The following BLTP3B variants were observed in gnomAD, a reference collection of about 807,000 sequenced individuals.
BLTP3B encodes UHRF1 (ICBP90) binding protein 1-like.
At chr12:100,064,097 A>C in the BLTP3B span, among the ~76,000 whole-genome samples, 3 of 152,202 alleles carry the variant, frequency 2.0e-5, no homozygotes, top group African/African-American at 7.2e-5. Context: ...AAACCAATCA[A>C]AACTTCAGGA....
At chr12:100,065,536 T>C in the BLTP3B span, among the ~76,000 whole-genome samples, 1 of 152,248 alleles carries the variant, frequency 6.6e-6, no homozygotes, top group Non-Finnish European at 1.5e-5. Flanking sequence ...ATAAATGGCC[T>C]CTCTGGAAGT....
chr12:100,043,293 T>G, the BLTP3B span, among the ~76,000 whole-genome samples: 34 of 152,324 alleles, frequency 2.2e-4, no homozygotes, highest in African/African-American at 5.1e-4. Context: ...GAAGTTCAGC[T>G]TCCTTCATGT....
chr12:100,047,709 C>T, the BLTP3B span: 124 of 1,185,386 alleles, frequency 1.0e-4, no homozygotes, highest in East Asian at 2.6e-3. Context: ...AAAGATAACA[C>T]ATGTATCTTT....
At chr12:100,136,437 T>C in the BLTP3B span, among the ~76,000 whole-genome samples, 1 of 152,204 alleles carries the variant, frequency 6.6e-6, no homozygotes, top group African/African-American at 2.4e-5. Context: ...TATATTAGAA[T>C]AGGAATCGCT....
the BLTP3B span, among the ~76,000 whole-genome samples, chr12:100,042,343 A>C: frequency 1.3e-5 from 2 of 152,206 alleles, no homozygotes; most frequent in Admixed American, 6.5e-5. Context: ...AAAAGGTACA[A>C]TAAAGTTGGA....
the BLTP3B span, among the ~76,000 whole-genome samples, chr12:100,082,005 T>C: frequency 6.6e-6 from 1 of 152,218 alleles, no homozygotes; most frequent in Non-Finnish European, 1.5e-5. Context: ...TCCACAGTGG[T>C]TGAACTATTT....
At chr12:100,121,687 G>A in the BLTP3B span, among the ~76,000 whole-genome samples, 1 of 152,038 alleles carries the variant, frequency 6.6e-6, no homozygotes, top group Admixed American at 6.5e-5. Context: ...AAAATTAGCG[G>A]GCGTGGTGGC....
At chr12:100,124,973 T>A in the BLTP3B span, among the ~76,000 whole-genome samples, 1 of 105,018 alleles carries the variant, frequency 9.5e-6, no homozygotes, top group Non-Finnish European at 1.7e-5. Flanking sequence ...TATATATATA[T>A]ATATATTTAT....
the BLTP3B span, among the ~76,000 whole-genome samples, chr12:100,132,335 C>T: frequency 2.0e-5 from 3 of 152,142 alleles, no homozygotes; most frequent in Non-Finnish European, 2.9e-5. Flanking sequence ...AATCTGATCC[C>T]GAATGTGACA....
chr12:100,069,375 C>T, the BLTP3B span, among the ~76,000 whole-genome samples: 1 of 151,896 alleles, frequency 6.6e-6, no homozygotes, highest in Non-Finnish European at 1.5e-5. Context: ...AACCCAAATG[C>T]CCAGCAATCA....
the BLTP3B span, among the ~76,000 whole-genome samples, chr12:100,082,395 T>A: frequency 3.3e-5 from 5 of 152,266 alleles, no homozygotes; most frequent in Admixed American, 3.3e-4. Flanking sequence ...AGCTCTTTAA[T>A]GAGGTTTCAC....
the BLTP3B span, among the ~76,000 whole-genome samples, chr12:100,056,573 C>A: frequency 1.3e-5 from 2 of 151,978 alleles, no homozygotes; most frequent in Non-Finnish European, 2.9e-5. Context: ...CATGGTGGCT[C>A]ATGCCTGTAA....
chr12:100,057,542 T>C, the BLTP3B span: 1 of 1,581,616 alleles, frequency 6.3e-7, no homozygotes, highest in South Asian at 1.2e-5. Flanking sequence ...GTACGTAATA[T>C]GAATTCTTAA....
chr12:100,050,944 C>A, the BLTP3B span: 1 of 1,242,114 alleles, frequency 8.1e-7, no homozygotes, highest in East Asian at 2.7e-5. Context: ...TTTTCAAGAA[C>A]AAAAGCTGCA....
the BLTP3B span, among the ~76,000 whole-genome samples, chr12:100,104,834 T>A: frequency 1.5e-5 from 2 of 129,994 alleles, no homozygotes; most frequent in African/African-American, 5.9e-5. Flanking sequence ...AAAACCACGC[T>A]GATAATCAAA....
chr12:100,047,545 A>C, the BLTP3B span: 15 of 1,609,786 alleles, frequency 9.3e-6, no homozygotes, highest in Non-Finnish European at 1.3e-5. Context: ...ATATGAAAAG[A>C]GCCATCGTCA....
chr12:100,056,611 A>C, the BLTP3B span, among the ~76,000 whole-genome samples: 1 of 151,600 alleles, frequency 6.6e-6, no homozygotes, highest in Admixed American at 6.6e-5. Context: ...GCCGAGGTGC[A>C]CGGATCATTC....
At chr12:100,075,913 T>C in the BLTP3B span, among the ~76,000 whole-genome samples, 2 of 151,844 alleles carry the variant, frequency 1.3e-5, no homozygotes, top group East Asian at 1.9e-4. Context: ...TGGGTACGCA[T>C]GGAGACAAAA....
At chr12:100,077,126 C>T in the BLTP3B span, among the ~76,000 whole-genome samples, 5 of 152,096 alleles carry the variant, frequency 3.3e-5, no homozygotes, top group African/African-American at 7.2e-5. Flanking sequence ...AATGACAGGC[C>T]ACTTATAAGA....
Sources: gnomAD v4.1 joint callset for allele counts (sites outside exome capture counted in the v4.1 genomes callset) on GRCh38, gnomAD v4.1.1 for gene constraint, MANE v1.5 for transcripts, NCBI Gene and HGNC (gene_info 2026-07-23, HGNC 2026-07-21) for gene names.